IL17RE: variants seen among roughly 807,000 people sequenced by gnomAD.
IL17RE encodes the protein interleukin 17 receptor E, also known as interleukin-17 receptor E.
IL17RE carries 47 observed loss-of-function variants against 70.7 expected under a neutral mutation model. The observed-to-expected ratio is 0.67, with a 90% CI of 0.53 to 0.85. The LOEUF is 0.85. IL17RE is among the 40% of genes least tolerant of loss of function. IL17RE has a pLI of 0.00. For missense variants in IL17RE, 850 were observed against 893.9 expected (o/e 0.95, Z 0.63); for synonymous variants, 372 against 381.2 (o/e 0.98, Z 0.28).
intron 9 of IL17RE, 42 bp downstream of exon 9, chr3:9,911,082 G>A: frequency 1.2e-6 from 2 of 1,614,110 alleles, no homozygotes; most frequent in South Asian, 1.1e-5. Context: ...GCAGGGCTGG[G>A]GCCCAGGAAT....
At position 9,914,800 on chromosome 3, in the gene IL17RE, G is replaced by C. The variant is rs572247024; in HGVS notation, c.1447+23G>C. 5.0e-5 allele frequency: 80 copies of C among 1,603,710 alleles called. No homozygotes were observed. In the East Asian group the frequency reaches 1.4e-3, roughly 28 times the overall value. On this transcript the variant is annotated intron_variant, in intron 15 of 15. Coordinates refer to ENST00000383814, the MANE Select transcript of IL17RE (RefSeq NM_153480.2). ...CAGGTAAGCTCACCTGGGGTAACCT[G>C]GGAAGTCAGACCTGCCCAGCTCGGA...
Position 9,915,585 on chromosome 3 carries a change from C to A in IL17RE, c.1782C>A (p.Phe594Leu), listed in dbSNP as rs576280155. Reference protein sequence around the residue: ...APRPLLLLAYFSRLCAKGDIP... With the variant: ...APRPLLLLAYLSRLCAKGDIP... ...GCCCGCTGCTGCTGCTCGCTTACTT[C>A]AGTCGCCTCTGCGCCAAGGGCGACA... Residue 594 changes from phenylalanine to leucine, a missense_variant, in exon 16 of 16, where the codon TTC becomes TTA. Phe to Leu is a conservative substitution (Grantham distance 22). Transcript: ENST00000383814. This position sits in a 1 kb window ranked among gnomAD's most constrained non-coding sequence, Gnocchi z 4.9. 3.5e-6 allele frequency: 5 copies of A among 1,422,736 alleles called. No homozygotes were observed. The highest frequency in any genetic ancestry group is 4.6e-6 in the Non-Finnish European group (5 of 1,091,072). 88.1% of individuals were successfully genotyped at this position (1,422,736 alleles called of 1,614,324 possible).
rs2082899304 is a variant in IL17RE, at chr3:9,911,773, C to T, written c.1227+176C>T. The T allele has an allele frequency of 2.7e-5, 15 of 562,692 alleles. No individual in the cohort carries two copies. The East Asian group carries it at 4.5e-4, about 17-fold the overall frequency. The allele number at this position is 562,692 out of a possible 1,614,324, so 34.9% of individuals were successfully genotyped here. ...TCAGCTAACTTGCTGACAGTAGGTTCCTCAAGGGAGCATTTTCTTTTTTTT... is the reference window on the plus strand; with the variant it reads ...TCAGCTAACTTGCTGACAGTAGGTTTCTCAAGGGAGCATTTTCTTTTTTTT... On this transcript the variant is annotated intron_variant, in intron 12 of 15. Coordinates refer to ENST00000383814, the MANE Select transcript of IL17RE (RefSeq NM_153480.2).
chr3:9,903,197 C>T, intron 1 of IL17RE, 133 bp downstream of exon 1: 3 of 996,662 alleles, frequency 3.0e-6, no homozygotes, highest in East Asian at 4.9e-5. Flanking sequence ...TACCTAGTCT[C>T]AAAGGGGTAG....
In IL17RE at chr3:9,911,578, C is replaced by T. The variant is rs1048991474; in HGVS notation, c.1208C>T (p.Pro403Leu). The T allele has an allele frequency of 2.0e-5, 32 of 1,613,378 alleles. No individual in the cohort carries two copies. Among genetic ancestry groups the T allele is most frequent in the Non-Finnish European group, 2.6e-5 (31 of 1,179,346 alleles). Residue 403 changes from proline (P) to leucine (L), a missense_variant, in exon 12 of 16, where the codon CCC becomes CTC. Transcript: ENST00000383814. The part of the protein sequence containing the change: ...PGLGQDTLVP[P>L]VYTVSQARGS... ...TTGGGGCAGGACACTTTGGTGCCCC[C>T]CGTGTACACTGTCAGCCAGGTATGG...
In IL17RE at chr3:9,915,503, T is replaced by C; in HGVS notation, c.1700T>C (p.Val567Ala). 7.6e-7 allele frequency: 1 copy of C among 1,313,162 alleles called. No individual in the cohort carries two copies. Among genetic ancestry groups the C allele is most frequent in the Non-Finnish European group, 9.6e-7 (1 of 1,040,222 alleles). 81.3% of individuals were successfully genotyped at this position (1,313,162 alleles called of 1,614,324 possible). The change falls in exon 16 of 16, where the codon GTC (valine) becomes GCC (alanine). Residue 567 changes from valine to alanine, a missense_variant. Physicochemically the swap from Val to Ala is moderately conservative, Grantham distance 64. Transcript: ENST00000383814. This position sits in a 1 kb window ranked among gnomAD's most constrained non-coding sequence, Gnocchi z 4.9. ...LLWSGADLRPVSGPDPRAAPL... is the reference protein window; with the variant it reads ...LLWSGADLRPASGPDPRAAPL... ...TGGAGCGGCGCCGACCTTCGCCCGGTCAGCGGCCCCGACCCCCGCGCCGCG... is the reference window on the plus strand; with the variant it reads ...TGGAGCGGCGCCGACCTTCGCCCGGCCAGCGGCCCCGACCCCCGCGCCGCG...
rs777885324 is a variant in IL17RE, at chr3:9,903,401, A to G, written c.137A>G (p.Asp46Gly). ...TRCPLASHTD[D>G]SFTGSSAYIP... Reference sequence around the variant, plus strand: ...CTACTGGGCCCTGTGCCTCAGGATGACAGTTTCACTGGTGAGTCGCATTTC... The same window carrying G: ...CTACTGGGCCCTGTGCCTCAGGATGGCAGTTTCACTGGTGAGTCGCATTTC... The change falls in exon 2 of 16, where the codon GAC becomes GGC. Residue 46 changes from aspartate to glycine, a missense_variant. By Grantham distance (94) the Asp-to-Gly change is moderately conservative. Coordinates refer to ENST00000383814, the MANE Select transcript of IL17RE (RefSeq NM_153480.2). The G allele has an allele frequency of 4.4e-5, 71 of 1,613,948 alleles. No homozygotes were observed. Among genetic ancestry groups the G allele is most frequent in the Non-Finnish European group, 5.8e-5 (69 of 1,179,996 alleles).
At chr3:9,914,466 C>G (rs1399837065) in intron 13 of IL17RE, 82 bp from the exon 14 acceptor site, 1 of 1,581,854 alleles carries the variant, frequency 6.3e-7, no homozygotes, top group Non-Finnish European at 8.6e-7. Context: ...GGACTCCCCT[C>G]TCCCCCAGCT....
In IL17RE at chr3:9,915,638, G is replaced by C; in HGVS notation, c.1835G>C (p.Arg612Pro). 7.1e-7 allele frequency: 1 copy of C among 1,410,122 alleles called. No individual in the cohort carries two copies. The highest frequency in any genetic ancestry group is 9.2e-7 in the Non-Finnish European group (1 of 1,087,286). The allele number at this position is 1,410,122 out of a possible 1,614,324, so 87.4% of individuals were successfully genotyped here. Residue 612 changes from arginine to proline, a missense_variant, in exon 16 of 16, where the codon CGC (arginine) becomes CCC (proline). Transcript: ENST00000383814. The surrounding 1 kb of genome is among the most constrained non-coding windows in gnomAD (Gnocchi z 4.9). ...CCCCCGCCGCTGCGCGCCCTGCCGCGCTACCGCCTGCTGCGCGACCTGCCG... is the reference window on the plus strand; with the variant it reads ...CCCCCGCCGCTGCGCGCCCTGCCGCCCTACCGCCTGCTGCGCGACCTGCCG... ...DIPPPLRALP[R>P]YRLLRDLPRL... is the part of the protein sequence containing the mutation.
In IL17RE at chr3:9,913,960, G is replaced by C. The variant is rs376826050; in HGVS notation, c.1232G>C (p.Arg411Pro). Residue 411 changes from arginine to proline, a missense_variant, in exon 13 of 16, where the codon CGG (arginine) becomes CCG (proline). Coordinates refer to ENST00000383814, the MANE Select transcript of IL17RE (RefSeq NM_153480.2). ...TTCTGCTCTTTGTTTCTACAGGCCC[G>C]GGGCTCAAGCCCAGTGTCACTAGAC... ...VPPVYTVSQARGSSPVSLDLI... is the reference protein window; with the variant it reads ...VPPVYTVSQAPGSSPVSLDLI... The C allele has an allele frequency of 3.6e-5, 58 of 1,613,692 alleles. No homozygotes were observed. Among genetic ancestry groups the C allele is most frequent in the Non-Finnish European group, 4.5e-5 (53 of 1,179,722 alleles).
At chr3:9,911,764 CAGT>C (rs1343731027) in intron 12 of IL17RE, 167 bp downstream of exon 12, 2 of 605,774 alleles carry the variant, frequency 3.3e-6, no homozygotes, top group Non-Finnish European at 5.6e-6. Context: ...AACTTGCTGA[CAGT>C]AGGTTCCTCA....
chr3:9,902,724 G>A (rs772687270), upstream of IL17RE: 3 of 1,534,674 alleles, frequency 2.0e-6, no homozygotes, highest in Non-Finnish European at 2.6e-6. Context: ...GGGGGCACAA[G>A]CTTTCCTCAG....
In IL17RE at chr3:9,915,310, C is replaced by T. The variant is rs1423052721; in HGVS notation, c.1507C>T (p.Arg503Cys). 1.4e-6 allele frequency: 2 copies of T among 1,391,666 alleles called. No homozygotes were observed. Among genetic ancestry groups the T allele is most frequent in the East Asian group, 3.0e-5 (1 of 33,338 alleles). 86.2% of individuals were successfully genotyped at this position (1,391,666 alleles called of 1,614,324 possible). ...CGCGGCGGACTCGGAGGCGCAGCGG[C>T]GCCTGGTGGGAGCGCTGGCTGAACT... ...LHAADSEAQR[R>C]LVGALAELLR... is the part of the protein sequence containing the mutation. The change falls in exon 16 of 16, where the codon CGC becomes TGC. Residue 503 changes from arginine to cysteine, a missense_variant. By Grantham distance (180) the Arg-to-Cys change is radical. Transcript: ENST00000383814. The surrounding 1 kb of genome is among the most constrained non-coding windows in gnomAD (Gnocchi z 4.9).
Position 9,915,493 on chromosome 3 carries a change from C to T in IL17RE, c.1690C>T (p.Leu564Phe). ...GCTGCTGCTGTGGAGCGGCGCCGAC[C>T]TTCGCCCGGTCAGCGGCCCCGACCC... ...TVLLLWSGAD[L>F]RPVSGPDPRA... Residue 564 changes from leucine (L) to phenylalanine (F), a missense_variant, in exon 16 of 16, where the codon CTT becomes TTT. Transcript: ENST00000383814. This position sits in a 1 kb window ranked among gnomAD's most constrained non-coding sequence, Gnocchi z 4.9. 1.5e-6 allele frequency: 2 copies of T among 1,314,498 alleles called. No individual in the cohort carries two copies. 81.4% of individuals were successfully genotyped at this position (1,314,498 alleles called of 1,614,324 possible). A position where few individuals can be genotyped will look rare whatever the true frequency, so the allele number is the denominator to read the frequency against.
chr3:9,907,410 A>G (rs905424428), intron 6 of IL17RE, among the ~76,000 whole-genome samples: 1 of 151,814 alleles, frequency 6.6e-6, no homozygotes, highest in African/African-American at 2.4e-5. Context: ...AATTAATTAA[A>G]TTAAATTTAA....
intron 7 of IL17RE, 107 bp downstream of exon 7, chr3:9,908,414 G>C: frequency 3.2e-6 from 3 of 928,666 alleles, no homozygotes; most frequent in Non-Finnish European, 3.4e-6. Context: ...AAAAGACTGA[G>C]TGTTACTGGC....
Position 9,915,500 on chromosome 3 carries a change from C to G in IL17RE, c.1697C>G (p.Pro566Arg), listed in dbSNP as rs779763652. 288 of 1,313,230 alleles carry G rather than the reference C, an allele frequency of 2.2e-4. No individual in the cohort carries two copies. Among genetic ancestry groups the G allele is most frequent in the Non-Finnish European group, 2.6e-4 (275 of 1,040,344 alleles). 81.3% of individuals were successfully genotyped at this position (1,313,230 alleles called of 1,614,324 possible). A position where few individuals can be genotyped will look rare whatever the true frequency, so the allele number is the denominator to read the frequency against. Reference sequence around the variant, plus strand: ...CTGTGGAGCGGCGCCGACCTTCGCCCGGTCAGCGGCCCCGACCCCCGCGCC... The same window carrying G: ...CTGTGGAGCGGCGCCGACCTTCGCCGGGTCAGCGGCCCCGACCCCCGCGCC... ...LLLWSGADLR[P>R]VSGPDPRAAP... The change falls in exon 16 of 16, where the codon CCG (proline) becomes CGG (arginine). Residue 566 changes from proline to arginine, a missense_variant. Physicochemically the swap from Pro to Arg is moderately radical, Grantham distance 103. Coordinates refer to ENST00000383814, the MANE Select transcript of IL17RE (RefSeq NM_153480.2). The surrounding 1 kb of genome is among the most constrained non-coding windows in gnomAD (Gnocchi z 4.9).
rs1451019648 is a variant in IL17RE at position 9,915,236 on chromosome 3, G to A, written c.1448-15G>A. 7.3e-7 allele frequency: 1 copy of A among 1,378,770 alleles called. No homozygotes were observed. The highest frequency in any genetic ancestry group is 9.3e-7 in the Non-Finnish European group (1 of 1,071,870). 85.4% of individuals were successfully genotyped at this position (1,378,770 alleles called of 1,614,324 possible). A position where few individuals can be genotyped will look rare whatever the true frequency, so the allele number is the denominator to read the frequency against. On this transcript the variant is annotated splice_polypyrimidine_tract_variant and intron_variant, in intron 15 of 15. Transcript: ENST00000383814. The surrounding 1 kb of genome is among the most constrained non-coding windows in gnomAD (Gnocchi z 4.9). Reference sequence around the variant, plus strand: ...CTCAGCCGCCCAGCCTTCATCTGTTGCTTCCCGCCACCAGGCCCGGGCCCA... The same window carrying A: ...CTCAGCCGCCCAGCCTTCATCTGTTACTTCCCGCCACCAGGCCCGGGCCCA...
chr3:9,903,083 G>T lies in IL17RE; in HGVS notation c.132+19G>T. ...CCACACGGTAAGGTGCTGCTGCCAG[G>T]TAGGGACACCTGCCTGGCACAGCCA... is the stretch of plus-strand genomic sequence containing the variant. On this transcript the variant is annotated intron_variant, in intron 1 of 15. Transcript: ENST00000383814. 1.2e-6 allele frequency: 2 copies of T among 1,601,256 alleles called. No individual in the cohort carries two copies. The highest frequency in any genetic ancestry group is 1.7e-6 in the Non-Finnish European group (2 of 1,168,744).
Sources: gnomAD v4.1 joint callset for allele counts (sites outside exome capture counted in the v4.1 genomes callset) on GRCh38, gnomAD v4.1.1 for gene constraint, Gnocchi (gnomAD v3.1) non-coding constraint, MANE v1.5 for transcripts, NCBI Gene and HGNC (gene_info 2026-07-23, HGNC 2026-07-21) for gene names.